Variants in PDE1A observed in about 807,000 individuals in gnomAD.
PDE1A encodes the protein dual specificity calcium/calmodulin-dependent 3',5'-cyclic nucleotide phosphodiesterase 1A.
PDE1A carries 35 observed loss-of-function variants against 61.7 expected under a neutral mutation model. That is an observed-to-expected ratio of 0.57 (90% CI 0.43 to 0.75). The LOEUF is 0.75. Ranked by LOEUF, PDE1A falls within the 30% of genes least tolerant of loss-of-function variation. The pLI is 0.00. For synonymous variants in PDE1A, 232 were observed against 213.2 expected (o/e 1.09, Z -0.77); for missense variants, 597 against 630.6 (o/e 0.95, Z 0.57).
intron 1 of PDE1A, among the ~76,000 whole-genome samples, chr2:182,382,427 A>G (rs1700790607): frequency 6.6e-6 from 1 of 152,226 alleles, no homozygotes; most frequent in African/African-American, 2.4e-5. Flanking sequence ...TCTCACAGCT[A>G]TGAAAAGAAA....
At chr2:182,558,380 AT>A in the PDE1A span, among the ~76,000 whole-genome samples, 2 of 152,142 alleles carry the variant, frequency 1.3e-5, no homozygotes, top group Non-Finnish European at 2.9e-5. Flanking sequence ...TAATATTCTC[AT>A]TTAATATACA....
chr2:182,400,582 G>A (rs1329838646), intron 1 of PDE1A, among the ~76,000 whole-genome samples: 1 of 152,156 alleles, frequency 6.6e-6, no homozygotes, highest in Admixed American at 6.5e-5. Context: ...ACTCTCAGGA[G>A]CACTCTCAGG....
chr2:182,296,297 A>G (rs1694879407), intron 1 of PDE1A, among the ~76,000 whole-genome samples: 1 of 151,890 alleles, frequency 6.6e-6, no homozygotes, highest in African/African-American at 2.4e-5. Flanking sequence ...TTTTGATACA[A>G]CTCCCCCACT....
downstream of PDE1A, among the ~76,000 whole-genome samples, chr2:182,146,216 G>A (rs1690487179): frequency 2.0e-5 from 3 of 152,072 alleles, no homozygotes; most frequent in South Asian, 6.2e-4. Flanking sequence ...AATTTTCAAG[G>A]CATCACTCCC....
At chr2:182,644,643 G>A in the PDE1A span, among the ~76,000 whole-genome samples, 4 of 152,196 alleles carry the variant, frequency 2.6e-5, no homozygotes, top group African/African-American at 7.2e-5. Flanking sequence ...TGGCAAGGAC[G>A]TCATCTCGCT....
chr2:182,434,805 C>T (rs904922531), intron 2 of PDE1A, among the ~76,000 whole-genome samples: 14 of 151,930 alleles, frequency 9.2e-5, no homozygotes, highest in Admixed American at 9.2e-4. Flanking sequence ...TACTAGATTC[C>T]CTTGATTTGT....
intron 7 of PDE1A, among the ~76,000 whole-genome samples, chr2:182,218,567 C>T: frequency 6.6e-6 from 1 of 152,102 alleles, no homozygotes; most frequent in East Asian, 1.9e-4. Context: ...ACTTTTATCT[C>T]CACCCCAGTC....
At chr2:182,306,799 C>T (rs967238059) in intron 1 of PDE1A, among the ~76,000 whole-genome samples, 3 of 152,068 alleles carry the variant, frequency 2.0e-5, no homozygotes, top group Non-Finnish European at 2.9e-5. Flanking sequence ...ATAGAATAAA[C>T]TCAAAATGGA....
rs757494514 is a variant in PDE1A, at chr2:182,264,332, C to T, written c.136G>A (p.Val46Met). 4.3e-6 allele frequency: 7 copies of T among 1,612,926 alleles called. No individual in the cohort carries two copies. In the Middle Eastern group the frequency reaches 4.9e-4, roughly 114 times the overall value. ...TCATCGATATAAACTGCTTCCAGCACAGATGCCGCATATTCAATATTCTTC... is the reference window on the plus strand; with the variant it reads ...TCATCGATATAAACTGCTTCCAGCATAGATGCCGCATATTCAATATTCTTC... Residue 46 changes from valine (V) to methionine (M), a missense_variant, in exon 2 of 14, where the codon GTG becomes ATG. Transcript: ENST00000351439.
the PDE1A span, among the ~76,000 whole-genome samples, chr2:182,538,941 A>G: frequency 6.6e-6 from 1 of 152,204 alleles, no homozygotes; most frequent in Non-Finnish European, 1.5e-5. Context: ...ACCTAAGATT[A>G]TGTCAAAATC....
At position 182,196,996 on chromosome 2, in the gene PDE1A, CAGT is replaced by C. The variant is rs1375569317; in HGVS notation, c.1125+4440_1125+4442del. Among the ~76,000 whole-genome samples, 8 of 151,668 alleles carry C rather than the reference CAGT, an allele frequency of 5.3e-5. No individual in the cohort carries two copies. In the South Asian group the frequency reaches 1.5e-3, roughly 28 times the overall value. On this transcript the variant is annotated intron_variant, in intron 10 of 13. Transcript: ENST00000351439. ...CATATTAACTTCAGTAGATGATATC[CAGT>C]AGTTTTCCAGAGTGATTGTAATAAT...
chr2:182,172,074 G>A (rs1692274640), intron 13 of PDE1A, among the ~76,000 whole-genome samples: 1 of 151,960 alleles, frequency 6.6e-6, no homozygotes, highest in African/African-American at 2.4e-5. Context: ...AACTTTTGGG[G>A]AACAACCCTT....
At chr2:182,533,610 T>A in the PDE1A span, among the ~76,000 whole-genome samples, 20 of 152,264 alleles carry the variant, frequency 1.3e-4, no homozygotes, top group Admixed American at 1.2e-3. Context: ...AAAATCCAGA[T>A]AAAGAAGTTT....
At chr2:182,419,340 T>TC (rs1278279923) in intron 1 of PDE1A, among the ~76,000 whole-genome samples, 1 of 149,204 alleles carries the variant, frequency 6.7e-6, no homozygotes, top group Non-Finnish European at 1.5e-5. Context: ...TCTTTTCTTT[T>TC]TTTTTTTTTT....
chr2:182,148,052 A>G (rs1383921055), intron 13 of PDE1A, among the ~76,000 whole-genome samples: 1 of 152,158 alleles, frequency 6.6e-6, no homozygotes, highest in Non-Finnish European at 1.5e-5. Flanking sequence ...TACGATATGG[A>G]GGGTTGGGAC....
chr2:182,322,988 T>G (rs186268197), intron 1 of PDE1A, among the ~76,000 whole-genome samples: 1 of 152,340 alleles, frequency 6.6e-6, no homozygotes, highest in Non-Finnish European at 1.5e-5. Context: ...TATCTGAATG[T>G]TTTAGAATAC....
intron 2 of PDE1A, among the ~76,000 whole-genome samples, chr2:182,465,245 C>A (rs988890111): frequency 2.6e-5 from 4 of 152,052 alleles, no homozygotes; most frequent in Non-Finnish European, 5.9e-5. Context: ...TTTCAAATCA[C>A]AGTGGAATAA....
chr2:182,143,912 G>A (rs778948744), downstream of PDE1A, among the ~76,000 whole-genome samples: 22 of 152,122 alleles, frequency 1.4e-4, no homozygotes, highest in Non-Finnish European at 1.0e-4. Flanking sequence ...GTGTTTGTAT[G>A]TGTGTGTGTT....
chr2:182,347,959 C>A (rs986415879), intron 1 of PDE1A, among the ~76,000 whole-genome samples: 3 of 152,010 alleles, frequency 2.0e-5, no homozygotes, highest in African/African-American at 7.2e-5. Context: ...AGAAGCAACA[C>A]GTAGTTTTGG....
Sources: gnomAD v4.1 joint callset for allele counts (sites outside exome capture counted in the v4.1 genomes callset) on GRCh38, gnomAD v4.1.1 for gene constraint, MANE v1.5 for transcripts, NCBI Gene and HGNC (gene_info 2026-07-23, HGNC 2026-07-21) for gene names.